COG5: variants seen among roughly 807,000 people sequenced by gnomAD.
COG5 encodes the protein conserved oligomeric Golgi complex subunit 5.
A neutral mutation model predicts 110.4 loss-of-function variants in COG5; 86 were observed. The ratio of observed to expected loss-of-function variants is 0.78; its 90% CI spans 0.65 to 0.93. COG5 has a LOEUF of 0.93. Ranked by LOEUF, COG5 falls within the 40% of genes least tolerant of loss-of-function variation. The probability of loss-of-function intolerance (pLI) is 0.00; values close to 1 mark genes in which losing one functional copy is unlikely to be tolerated. For missense variants in COG5, 1,077 were observed against 987.0 expected, an observed-to-expected ratio of 1.09 and a Z score of -1.22; for synonymous variants, 360 against 334.6, an observed-to-expected ratio of 1.08 and a Z score of -0.83.
At chr7:107,514,057 A>G (rs1318069082) in intron 6 of COG5, among the ~76,000 whole-genome samples, 2 of 116,878 alleles carry the variant, frequency 1.7e-5, no homozygotes, top group Non-Finnish European at 4.3e-5. Flanking sequence ...ATAATAATAA[A>G]ATAAAATAAA....
chr7:107,389,228 A>C (rs780342478), intron 7 of COG5, among the ~76,000 whole-genome samples: 2 of 152,050 alleles, frequency 1.3e-5, no homozygotes, highest in Non-Finnish European at 2.9e-5. Context: ...GGGTCCCTCA[A>C]TAATGGCACA....
At chr7:107,450,599 A>T (rs1200739887) in intron 6 of COG5, among the ~76,000 whole-genome samples, 2 of 152,188 alleles carry the variant, frequency 1.3e-5, no homozygotes, top group Non-Finnish European at 2.9e-5. Flanking sequence ...TTTATTAGTA[A>T]GGAAGAAAAG....
intron 11 of COG5, among the ~76,000 whole-genome samples, chr7:107,304,672 C>T (rs1807559000): frequency 6.6e-6 from 1 of 152,136 alleles, no homozygotes; most frequent in South Asian, 2.1e-4. Context: ...ACTAGCTGTG[C>T]CTAAACCTCA....
intron 6 of COG5, among the ~76,000 whole-genome samples, chr7:107,430,479 A>C (rs532127667): frequency 6.6e-6 from 1 of 152,192 alleles, no homozygotes; most frequent in Non-Finnish European, 1.5e-5. Flanking sequence ...AGACTGTATG[A>C]ATTATTGTAG....
intron 10 of COG5, among the ~76,000 whole-genome samples, chr7:107,341,819 G>A (rs1811191309): frequency 6.6e-6 from 1 of 152,148 alleles, no homozygotes; most frequent in Non-Finnish European, 1.5e-5. Flanking sequence ...GGGATAACTG[G>A]TAAGCCATAG....
At chr7:107,462,820 A>C (rs140625774) in intron 6 of COG5, among the ~76,000 whole-genome samples, 1,647 of 152,318 alleles carry the variant, frequency 0.011, 20 homozygotes, top group African/African-American at 0.038. Flanking sequence ...TACAGGTTTG[A>C]GTAAGCCAGA....
chr7:107,474,808 C>A lies in COG5; in HGVS notation c.538+52429G>T, dbSNP rs752096556. The A allele has an allele frequency of 1.2e-6, 2 of 1,612,844 alleles. No homozygotes were observed. Among genetic ancestry groups the A allele is most frequent in the East Asian group, 2.2e-5 (1 of 44,764 alleles). ...AATAGGCACAAGATTTTCAACAGGG[C>A]AGAAGAAGAAAGCAAGAAAGAAAAA... On this transcript the variant is annotated intron_variant, in intron 6 of 21. Transcript: ENST00000297135. The surrounding 1 kb of genome is among the most constrained non-coding windows in gnomAD (Gnocchi z 5.7).
chr7:107,473,414 T>C (rs1332452824), intron 6 of COG5, among the ~76,000 whole-genome samples: 2 of 151,942 alleles, frequency 1.3e-5, no homozygotes, highest in South Asian at 2.1e-4. Context: ...ATTGTAACTG[T>C]GATATGTAAA....
intron 11 of COG5, 58 bp from the exon 12 acceptor site, chr7:107,298,404 T>G (rs1349387072): frequency 7.1e-7 from 1 of 1,402,528 alleles, no homozygotes; most frequent in Non-Finnish European, 9.9e-7. Context: ...TAAATGTTTC[T>G]TTTGCATATG....
At chr7:107,425,488 C>T (rs1793583852) in intron 6 of COG5, among the ~76,000 whole-genome samples, 1 of 149,646 alleles carries the variant, frequency 6.7e-6, no homozygotes, top group Admixed American at 6.7e-5. Context: ...AATTTTTATT[C>T]TATTTCTGAA....
At chr7:107,494,420 G>A (rs1798147100) in intron 6 of COG5, among the ~76,000 whole-genome samples, 1 of 152,148 alleles carries the variant, frequency 6.6e-6, no homozygotes, top group Non-Finnish European at 1.5e-5. Flanking sequence ...GATTATAATG[G>A]AGCTGAGAAT....
intron 19 of COG5, among the ~76,000 whole-genome samples, chr7:107,217,338 C>T (rs920143975): frequency 1.3e-5 from 2 of 152,088 alleles, no homozygotes; most frequent in African/African-American, 4.8e-5. Context: ...AATACCAATC[C>T]TTCTCAAACT....
chr7:107,347,341 G>T (rs1318254528), intron 10 of COG5, among the ~76,000 whole-genome samples: 1 of 152,116 alleles, frequency 6.6e-6, no homozygotes, highest in South Asian at 2.1e-4. Flanking sequence ...ACTGGGGAGG[G>T]GGATGAGAGA....
At chr7:107,550,684 T>G (rs887859740) in intron 3 of COG5, among the ~76,000 whole-genome samples, 1 of 152,150 alleles carries the variant, frequency 6.6e-6, no homozygotes, top group Non-Finnish European at 1.5e-5. Flanking sequence ...TTTTATTTTC[T>G]CTATAGAATT....
chr7:107,460,878 A>G (rs983567786), intron 6 of COG5, among the ~76,000 whole-genome samples: 5 of 152,108 alleles, frequency 3.3e-5, no homozygotes, highest in African/African-American at 1.2e-4. Flanking sequence ...CTGATTATTC[A>G]AAAGATATAT....
At chr7:107,342,668 A>G (rs1811268903) in intron 10 of COG5, among the ~76,000 whole-genome samples, 1 of 151,802 alleles carries the variant, frequency 6.6e-6, no homozygotes, top group Non-Finnish European at 1.5e-5. Flanking sequence ...ACAGAGCGAG[A>G]CTCTGTCTCA....
intron 7 of COG5, among the ~76,000 whole-genome samples, chr7:107,374,330 A>G (rs1409486971): frequency 6.6e-6 from 1 of 152,136 alleles, no homozygotes; most frequent in African/African-American, 2.4e-5. Flanking sequence ...AAGTGTATGT[A>G]TAATCCAAGA....
intron 16 of COG5, among the ~76,000 whole-genome samples, 158 bp from the exon 17 acceptor site, chr7:107,248,657 C>T (rs1460896955): frequency 6.6e-6 from 1 of 152,100 alleles, no homozygotes; most frequent in African/African-American, 2.4e-5. Flanking sequence ...TAACCACTGT[C>T]GGTAATGATT....
intron 7 of COG5, among the ~76,000 whole-genome samples, chr7:107,390,100 G>T (rs1001019488): frequency 6.6e-6 from 1 of 152,132 alleles, no homozygotes; most frequent in Non-Finnish European, 1.5e-5. Flanking sequence ...TGGTATTAAG[G>T]AGACAATCTG....
Sources: gnomAD v4.1 joint callset for allele counts (sites outside exome capture counted in the v4.1 genomes callset) on GRCh38, gnomAD v4.1.1 for gene constraint, Gnocchi (gnomAD v3.1) non-coding constraint, MANE v1.5 for transcripts, NCBI Gene and HGNC (gene_info 2026-07-23, HGNC 2026-07-21) for gene names.